Variants in COL28A1 observed in about 807,000 individuals in gnomAD.
The protein encoded by COL28A1 is collagen type XXVIII alpha 1 chain, also known as collagen alpha-1(XXVIII) chain.
COL28A1 carries 161 observed loss-of-function variants against 150.2 expected under a neutral mutation model. The observed-to-expected ratio is 1.07, with a 90% CI of 0.94 to 1.22. The LOEUF (loss-of-function observed/expected upper bound fraction) is 1.22, where lower values mean the gene tolerates loss of function less well. Ranked by LOEUF, COL28A1 falls within the 50% of genes most tolerant of loss-of-function variation. The probability of loss-of-function intolerance (pLI) is 0.00; values close to 1 mark genes in which losing one functional copy is unlikely to be tolerated. For missense variants in COL28A1, 1,617 were observed against 1,388.3 expected, an observed-to-expected ratio of 1.16 and a Z score of -2.62; for synonymous variants, 552 against 469.7, an observed-to-expected ratio of 1.18 and a Z score of -2.26.
chr7:7,497,789 C>G (rs1003077520), intron 11 of COL28A1, among the ~76,000 whole-genome samples: 1 of 152,240 alleles, frequency 6.6e-6, no homozygotes, highest in South Asian at 2.1e-4. Flanking sequence ...ATAAAGTCTA[C>G]TTGGTTGTCA....
At chr7:7,436,503 C>T (rs751085818) in intron 22 of COL28A1, 40 bp from the exon 23 acceptor site, 36 of 961,452 alleles carry the variant, frequency 3.7e-5, no homozygotes, top group East Asian at 1.2e-4. Context: ...TACAGTTGTG[C>T]GAGAAATCAC....
At chr7:7,355,964 G>A (rs1240280406), downstream of COL28A1, among the ~76,000 whole-genome samples, 2 of 152,128 alleles carry the variant, frequency 1.3e-5, no homozygotes, top group Admixed American at 1.3e-4. Flanking sequence ...GAGGCATATT[G>A]TGGTATATTC....
At chr7:7,426,398 A>T (rs1209033490) in intron 25 of COL28A1, among the ~76,000 whole-genome samples, 1 of 152,216 alleles carries the variant, frequency 6.6e-6, no homozygotes. Flanking sequence ...TGGTAGCCAG[A>T]ATGTCAATGG....
intron 11 of COL28A1, 114 bp from the exon 12 acceptor site, chr7:7,490,760 T>C (rs989317526): frequency 7.6e-6 from 4 of 529,446 alleles, no homozygotes; most frequent in African/African-American, 5.8e-5. Context: ...ACAACAAACC[T>C]GTACATCGTG....
At chr7:7,542,980 A>G in the COL28A1 span, among the ~76,000 whole-genome samples, 1 of 152,232 alleles carries the variant, frequency 6.6e-6, no homozygotes, top group Non-Finnish European at 1.5e-5. Context: ...GCCAAAAAGT[A>G]TTTAATAACT....
chr7:7,508,057 C>G (rs1780913627), intron 9 of COL28A1, among the ~76,000 whole-genome samples: 1 of 152,008 alleles, frequency 6.6e-6, no homozygotes, highest in South Asian at 2.1e-4. Flanking sequence ...ACAGTGAAAC[C>G]CTGTCTCTAC....
At chr7:7,396,639 A>G (rs191341919) in intron 27 of COL28A1, among the ~76,000 whole-genome samples, 4 of 152,340 alleles carry the variant, frequency 2.6e-5, no homozygotes, top group Admixed American at 2.0e-4. Context: ...AACAGAATCA[A>G]TGAGTAAGTT....
intron 23 of COL28A1, among the ~76,000 whole-genome samples, chr7:7,435,112 A>G (rs1785247516): frequency 6.6e-6 from 1 of 152,180 alleles, no homozygotes; most frequent in African/African-American, 2.4e-5. Flanking sequence ...ATCTTTAAAT[A>G]CCATCACCTA....
rs917095340 is a variant in COL28A1 at position 7,360,657 on chromosome 7, T to G, written c.3067-129A>C. 7 of 787,422 alleles carry G rather than the reference T, an allele frequency of 8.9e-6. No individual in the cohort carries two copies. The African/African-American group carries it at 1.2e-4, about 14-fold the overall frequency. 48.8% of individuals were successfully genotyped at this position (787,422 alleles called of 1,614,324 possible). A position where few individuals can be genotyped will look rare whatever the true frequency, so the allele number is the denominator to read the frequency against. On this transcript the variant is annotated intron_variant, in intron 33 of 34. Transcript: ENST00000399429. ...TCCCTAGCTCTCTGATACTAACTAT[T>G]TCAAATAAAACTCAGGAAATAATGC...
At chr7:7,367,352 G>C (rs1351442123) in intron 33 of COL28A1, among the ~76,000 whole-genome samples, 1 of 152,188 alleles carries the variant, frequency 6.6e-6, no homozygotes, top group Non-Finnish European at 1.5e-5. Flanking sequence ...ATTTAAATGT[G>C]AATAGAAATG....
In COL28A1 at chr7:7,511,076, A is replaced by G. The variant is rs568930304; in HGVS notation, c.927+15T>C. ...GGGATCACAGCTGTAAGCAGTTTAA[A>G]AACATGTTCCTTACCTTGTCACCTT... On this transcript the variant is annotated intron_variant, in intron 9 of 34. Transcript: ENST00000399429. The G allele has an allele frequency of 2.5e-6, 4 of 1,611,314 alleles. No homozygotes were observed. The East Asian group carries it at 6.7e-5, about 27-fold the overall frequency.
chr7:7,362,519 A>T (rs10952053), intron 33 of COL28A1, among the ~76,000 whole-genome samples: 118,659 of 152,088 alleles, frequency 0.78, 46,464 homozygotes, highest in East Asian at 0.88. Flanking sequence ...ATGCATACAT[A>T]CACACACAAG....
At chr7:7,382,446 A>G (rs189027236) in intron 27 of COL28A1, among the ~76,000 whole-genome samples, 12 of 152,294 alleles carry the variant, frequency 7.9e-5, no homozygotes. Flanking sequence ...CATAATTTGT[A>G]GCAACATTCA....
At chr7:7,387,453 A>C (rs561987588) in intron 27 of COL28A1, among the ~76,000 whole-genome samples, 1 of 152,270 alleles carries the variant, frequency 6.6e-6, no homozygotes, top group South Asian at 2.1e-4. Context: ...TATATCAATA[A>C]TTTTCTGATG....
intron 20 of COL28A1, among the ~76,000 whole-genome samples, chr7:7,442,697 T>C (rs1052108729): frequency 7.9e-5 from 12 of 152,174 alleles, no homozygotes; most frequent in Middle Eastern, 3.2e-3. Context: ...TTGACTTGTA[T>C]ATAATCCATA....
chr7:7,534,305 A>C (rs545051279), intron 1 of COL28A1, among the ~76,000 whole-genome samples: 48 of 152,324 alleles, frequency 3.2e-4, no homozygotes, highest in African/African-American at 1.1e-3. Context: ...AAAACAAAAC[A>C]AAACCAAGAA....
chr7:7,502,096 T>C (rs188374478), intron 11 of COL28A1, among the ~76,000 whole-genome samples: 1 of 152,290 alleles, frequency 6.6e-6, no homozygotes, highest in East Asian at 1.9e-4. Context: ...GGTTTCACCA[T>C]CTTGGCCAGG....
Position 7,382,322 on chromosome 7 carries a change from C to A in COL28A1, c.2137-710G>T, listed in dbSNP as rs534562482. 4.3e-4 allele frequency among the ~76,000 whole-genome samples: 64 copies of A among 150,528 alleles called. No homozygotes were observed. In the South Asian group the frequency reaches 0.013, roughly 30 times the overall value. Reference sequence around the variant, plus strand: ...TGAAACTCTATCTCAAAAAAAAAAACAGAAAAAAAATGTCATTTTAGTAAC... The same window carrying A: ...TGAAACTCTATCTCAAAAAAAAAAAAAGAAAAAAAATGTCATTTTAGTAAC... On this transcript the variant is annotated intron_variant, in intron 27 of 34. Coordinates refer to ENST00000399429, the MANE Select transcript of COL28A1 (RefSeq NM_001037763.3).
chr7:7,370,955 C>G, intron 32 of COL28A1, 73 bp from the exon 33 acceptor site: 1 of 967,716 alleles, frequency 1.0e-6, no homozygotes, highest in African/African-American at 1.6e-5. Flanking sequence ...TTAAAAAGAT[C>G]TGCACTCTCC....
Sources: allele counts gnomAD v4.1 joint callset (sites outside exome capture counted in the v4.1 genomes callset), GRCh38; gene constraint gnomAD v4.1.1; transcripts MANE v1.5; gene names NCBI Gene and HGNC (gene_info 2026-07-23, HGNC 2026-07-21).